Variants in TENM3 observed in about 807,000 individuals in gnomAD.
TENM3 encodes teneurin transmembrane protein 3.
A neutral mutation model predicts 255.1 loss-of-function variants in TENM3; 63 were observed. That is an observed-to-expected ratio of 0.25 (90% CI 0.20 to 0.30). TENM3 has a LOEUF of 0.30. TENM3 is among the 10% of genes least tolerant of loss of function. The probability of loss-of-function intolerance (pLI) is 1.00; values close to 1 mark genes in which losing one functional copy is unlikely to be tolerated. For synonymous variants in TENM3, 1,306 were observed against 1,322.3 expected (o/e 0.99, Z 0.27); for missense variants, 2,929 against 3,461.1 (o/e 0.85, Z 3.86).
intron 3 of TENM3, among the ~76,000 whole-genome samples, chr4:182,486,978 G>A (rs1734806626): frequency 6.6e-6 from 1 of 152,148 alleles, no homozygotes; most frequent in East Asian, 1.9e-4. Flanking sequence ...GAGACCCCCT[G>A]TTTTCTCTTT....
chr4:182,611,387 T>C (rs972455326), intron 4 of TENM3, among the ~76,000 whole-genome samples: 1 of 151,276 alleles, frequency 6.6e-6, no homozygotes, highest in Admixed American at 6.6e-5. Flanking sequence ...TGTATTTAAT[T>C]ATTAAATATA....
the TENM3 span, among the ~76,000 whole-genome samples, chr4:181,656,191 A>C: frequency 6.6e-6 from 1 of 152,168 alleles, no homozygotes; most frequent in Non-Finnish European, 1.5e-5. Context: ...CAGGCTTTTG[A>C]GGCACCTATC....
the TENM3 span, among the ~76,000 whole-genome samples, chr4:181,837,966 T>C: frequency 2.0e-5 from 3 of 151,998 alleles, no homozygotes; most frequent in Admixed American, 6.6e-5. Context: ...GGTGAAACCC[T>C]GTCTCTACTA....
chr4:182,706,073 T>C (rs924393524), intron 12 of TENM3, among the ~76,000 whole-genome samples: 5 of 152,224 alleles, frequency 3.3e-5, no homozygotes, highest in African/African-American at 1.2e-4. Context: ...TTCCACGTTG[T>C]TTAGTCTGAT....
intron 3 of TENM3, among the ~76,000 whole-genome samples, chr4:182,498,729 C>T (rs573550007): frequency 1.3e-5 from 2 of 152,190 alleles, no homozygotes; most frequent in South Asian, 2.1e-4. Flanking sequence ...GTGGCGTGTG[C>T]CTGTAATCCC....
Position 182,802,574 on chromosome 4 carries a change from G to A in TENM3, c.*2223G>A, listed in dbSNP as rs1345655370. The stretch of plus-strand genomic sequence containing the variant: ...CATAGTCTTAACCTCTTCTTGACGT[G>A]GACTGGTCTTCACTCGGGCACCGAT... On this transcript the variant is annotated 3_prime_UTR_variant, in exon 28 of 28. Coordinates refer to ENST00000511685, the MANE Select transcript of TENM3 (RefSeq NM_001080477.4). 1 of 152,564 alleles carries A rather than the reference G, an allele frequency of 6.6e-6. No homozygotes were observed. 9.5% of individuals were successfully genotyped at this position (152,564 alleles called of 1,614,324 possible).
At chr4:182,788,746 C>A (rs1048019664) in intron 24 of TENM3, among the ~76,000 whole-genome samples, 1 of 152,144 alleles carries the variant, frequency 6.6e-6, no homozygotes, top group African/African-American at 2.4e-5. Context: ...TTTCCAGTGT[C>A]TTTTGGGGGA....
At chr4:182,776,505 T>C (rs1488189362) in intron 24 of TENM3, among the ~76,000 whole-genome samples, 1 of 152,180 alleles carries the variant, frequency 6.6e-6, no homozygotes, top group Non-Finnish European at 1.5e-5. Context: ...GAAAGGGCTG[T>C]TGAGCTTGCT....
chr4:182,177,273 A>G (rs894731889), intron 1 of TENM3, among the ~76,000 whole-genome samples: 1 of 152,154 alleles, frequency 6.6e-6, no homozygotes, highest in East Asian at 1.9e-4. Context: ...TTAATGTGTG[A>G]TCACCCCACA....
At position 182,751,833 on chromosome 4, in the gene TENM3, G is replaced by A. The variant is rs868426523; in HGVS notation, c.3663G>A (p.Thr1221=). 1.1e-5 allele frequency: 18 copies of A among 1,613,784 alleles called. No homozygotes were observed. Among genetic ancestry groups the A allele is most frequent in the African/African-American group, 2.7e-5 (2 of 74,950 alleles). Residue 1221 remains threonine, a synonymous_variant, in exon 20 of 28, where the codon ACG becomes ACA. Transcript: ENST00000511685. The part of the protein sequence containing the change: ...SNPAHRYYLA[T]DPVTGDLYVS... ...CAGCTCATAGATACTACCTTGCAAC[G>A]GATCCAGTCACGGGAGATCTGTACG...
At chr4:181,521,471 T>C in the TENM3 span, among the ~76,000 whole-genome samples, 10 of 152,266 alleles carry the variant, frequency 6.6e-5, no homozygotes, top group Non-Finnish European at 1.3e-4. Flanking sequence ...TTTGATGAGA[T>C]GTGTAATGAA....
chr4:182,090,381 A>C, the TENM3 span, among the ~76,000 whole-genome samples: 1 of 152,330 alleles, frequency 6.6e-6, no homozygotes, highest in African/African-American at 2.4e-5. Flanking sequence ...TCAGTCCATT[A>C]GTGACCAGGA....
At chr4:182,268,988 T>C (rs1168341837) in intron 1 of TENM3, among the ~76,000 whole-genome samples, 1 of 152,174 alleles carries the variant, frequency 6.6e-6, no homozygotes, top group Non-Finnish European at 1.5e-5. Flanking sequence ...AACTCTCTCT[T>C]GGGATCTGGA....
the TENM3 span, among the ~76,000 whole-genome samples, chr4:181,738,050 A>G: frequency 6.6e-6 from 1 of 151,764 alleles, no homozygotes; most frequent in Non-Finnish European, 1.5e-5. Flanking sequence ...AAATATCTTT[A>G]TGAACATTAA....
At chr4:182,644,118 T>C (rs888257222) in intron 5 of TENM3, among the ~76,000 whole-genome samples, 2 of 152,196 alleles carry the variant, frequency 1.3e-5, no homozygotes, top group African/African-American at 4.8e-5. Context: ...AGGTGACTGA[T>C]GGCTGGGTGC....
At chr4:182,297,928 T>C (rs1008414255) in intron 1 of TENM3, among the ~76,000 whole-genome samples, 4 of 152,178 alleles carry the variant, frequency 2.6e-5, no homozygotes. Context: ...GCCTCTCCTC[T>C]GCCCCATAGC....
At chr4:182,364,629 C>T (rs931503834) in intron 3 of TENM3, among the ~76,000 whole-genome samples, 3 of 152,168 alleles carry the variant, frequency 2.0e-5, no homozygotes, top group Non-Finnish European at 4.4e-5. Flanking sequence ...CCGTGTCAGC[C>T]AGGATGGTCT....
chr4:182,512,347 G>A (rs1469138002), intron 3 of TENM3, among the ~76,000 whole-genome samples: 2 of 152,120 alleles, frequency 1.3e-5, no homozygotes, highest in African/African-American at 2.4e-5. Flanking sequence ...TCACCAGATG[G>A]GAAGAGCCCA....
At chr4:182,573,091 A>G (rs903484482) in intron 3 of TENM3, among the ~76,000 whole-genome samples, 3 of 152,212 alleles carry the variant, frequency 2.0e-5, no homozygotes, top group South Asian at 2.1e-4. Context: ...TTAAACCTCC[A>G]GAGGTAGTAT....
Sources: allele counts gnomAD v4.1 joint callset (sites outside exome capture counted in the v4.1 genomes callset), GRCh38; gene constraint gnomAD v4.1.1; transcripts MANE v1.5; gene names NCBI Gene and HGNC (gene_info 2026-07-23, HGNC 2026-07-21).